SSBP2: variants seen among roughly 807,000 people sequenced by gnomAD.
SSBP2 encodes single-stranded DNA-binding protein 2.
SSBP2 carries 17 observed loss-of-function variants against 61.8 expected under a neutral mutation model. The ratio of observed to expected loss-of-function variants is 0.28; its 90% CI spans 0.19 to 0.41. SSBP2 has a LOEUF of 0.41. Among genes scored for constraint, SSBP2 ranks in the 10% least tolerant of loss-of-function variants. SSBP2 has a pLI of 1.00. For missense variants in SSBP2, 310 were observed against 458.7 expected (o/e 0.68, Z 2.96); for synonymous variants, 139 against 141.3 (o/e 0.98, Z 0.12).
In SSBP2 at chr5:81,535,937, T is replaced by C. The variant is rs143504289; in HGVS notation, c.283-22220A>G. On this transcript the variant is annotated intron_variant, in intron 4 of 16. Coordinates refer to ENST00000320672, the MANE Select transcript of SSBP2 (RefSeq NM_012446.5). ...AAAAACTTCTGCTCTGTAAAATACA[T>C]TGTCAAGAGAGTGAGAAGACAAGCC... Among the ~76,000 whole-genome samples, 113 of 152,202 alleles carry C rather than the reference T, an allele frequency of 7.4e-4. 1 individual carries two copies. The East Asian group carries it at 0.016, about 22-fold the overall frequency.
At chr5:81,558,019 A>G (rs1436942969) in intron 4 of SSBP2, among the ~76,000 whole-genome samples, 1 of 152,182 alleles carries the variant, frequency 6.6e-6, no homozygotes, top group Non-Finnish European at 1.5e-5. Flanking sequence ...CTTGCTTTTA[A>G]GATTTCTTAG....
intron 1 of SSBP2, among the ~76,000 whole-genome samples, chr5:81,693,813 C>T (rs1230429623): frequency 6.6e-6 from 1 of 152,190 alleles, no homozygotes; most frequent in Admixed American, 6.5e-5. Context: ...TATGATCCAG[C>T]AATCCCATTG....
chr5:81,734,970 C>CAAAAAAA (rs11350574), intron 1 of SSBP2, among the ~76,000 whole-genome samples: 12 of 70,510 alleles, frequency 1.7e-4, no homozygotes, highest in Non-Finnish European at 2.1e-4. Context: ...GACTCCATCT[C>CAAAAAAA]AAAAAAAAAA....
intron 4 of SSBP2, among the ~76,000 whole-genome samples, chr5:81,543,075 G>A (rs759697031): frequency 2.6e-5 from 4 of 152,020 alleles, no homozygotes; most frequent in Non-Finnish European, 5.9e-5. Context: ...GGGTGGTCTC[G>A]AACTCCTGAC....
chr5:81,518,562 T>C (rs1488508744), intron 4 of SSBP2, among the ~76,000 whole-genome samples: 1 of 152,138 alleles, frequency 6.6e-6, no homozygotes, highest in African/African-American at 2.4e-5. Flanking sequence ...AGAACTATAA[T>C]AAATAAATTT....
rs7720383 is a variant in SSBP2, at chr5:81,558,981, C to T, written c.283-45264G>A. ...TTTTAAAAATTATTTATAGGCCGGG[C>T]GCAGTGGCTCACGCCTGTAATCCTA... On this transcript the variant is annotated intron_variant, in intron 4 of 16. Transcript: ENST00000320672. Among the ~76,000 whole-genome samples the T allele has an allele frequency of 7.7e-3, 1,170 of 152,272 alleles. 20 individuals carry two copies. Among genetic ancestry groups the T allele is most frequent in the African/African-American group, 0.027 (1,116 of 41,552 alleles).
At chr5:81,720,495 A>G (rs909909179) in intron 1 of SSBP2, among the ~76,000 whole-genome samples, 2 of 152,228 alleles carry the variant, frequency 1.3e-5, no homozygotes, top group African/African-American at 4.8e-5. Flanking sequence ...AACAGCATAT[A>G]GGCTAAGCTT....
At chr5:81,669,300 C>T (rs1751402144) in intron 1 of SSBP2, among the ~76,000 whole-genome samples, 1 of 152,138 alleles carries the variant, frequency 6.6e-6, no homozygotes, top group Non-Finnish European at 1.5e-5. Context: ...TAAACATACT[C>T]TTATCAGGAA....
At chr5:81,480,841 T>C (rs1765931816) in intron 6 of SSBP2, among the ~76,000 whole-genome samples, 2 of 152,244 alleles carry the variant, frequency 1.3e-5, no homozygotes, top group Non-Finnish European at 2.9e-5. Flanking sequence ...GAGGCAATGC[T>C]CTCAAACCTT....
intron 1 of SSBP2, among the ~76,000 whole-genome samples, chr5:81,737,727 G>C (rs1196482607): frequency 6.7e-6 from 1 of 148,734 alleles, no homozygotes; most frequent in African/African-American, 2.5e-5. Context: ...GACAGACCTT[G>C]CAGTGAGCCG....
chr5:81,491,768 G>A, intron 5 of SSBP2, among the ~76,000 whole-genome samples: 1 of 151,852 alleles, frequency 6.6e-6, no homozygotes, highest in East Asian at 1.9e-4. Context: ...CACAATTAAA[G>A]CACAAAAAGA....
intron 5 of SSBP2, among the ~76,000 whole-genome samples, chr5:81,503,298 C>A (rs1767934296): frequency 1.3e-5 from 2 of 151,854 alleles, no homozygotes; most frequent in Non-Finnish European, 2.9e-5. Context: ...ACTAAAAATA[C>A]AAAAAATTAG....
At chr5:81,685,334 GATAT>G (rs1663707108) in intron 1 of SSBP2, among the ~76,000 whole-genome samples, 2 of 152,060 alleles carry the variant, frequency 1.3e-5, no homozygotes, top group African/African-American at 4.8e-5. Context: ...AAACTGATAG[GATAT>G]ATAAGAATGA....
chr5:81,553,812 G>A (rs1219916082), intron 4 of SSBP2, among the ~76,000 whole-genome samples: 1 of 151,992 alleles, frequency 6.6e-6, no homozygotes, highest in East Asian at 1.9e-4. Flanking sequence ...TAACTTTCTT[G>A]TTTTCCTTTT....
At chr5:81,566,980 G>C (rs1449307135) in intron 4 of SSBP2, among the ~76,000 whole-genome samples, 2 of 152,190 alleles carry the variant, frequency 1.3e-5, no homozygotes, top group Admixed American at 6.5e-5. Context: ...TTCAAGAGGT[G>C]ACTTGGGTGC....
At chr5:81,584,124 T>A (rs1774890143) in intron 4 of SSBP2, among the ~76,000 whole-genome samples, 1 of 152,200 alleles carries the variant, frequency 6.6e-6, no homozygotes, top group Non-Finnish European at 1.5e-5. Context: ...GTTATAGAGC[T>A]ATTCATTAAT....
chr5:81,693,900 T>G (rs1234687144), intron 1 of SSBP2, among the ~76,000 whole-genome samples: 1 of 152,042 alleles, frequency 6.6e-6, no homozygotes, highest in Non-Finnish European at 1.5e-5. Context: ...GCAGCACCAC[T>G]CACAATAGCC....
chr5:81,627,659 T>C (rs1316182615), intron 3 of SSBP2, among the ~76,000 whole-genome samples: 1 of 152,232 alleles, frequency 6.6e-6, no homozygotes, highest in African/African-American at 2.4e-5. Flanking sequence ...AATAATCTTA[T>C]ATTTTATTTT....
At chr5:81,452,014 T>C (rs780832245) in intron 10 of SSBP2, among the ~76,000 whole-genome samples, 5 of 152,134 alleles carry the variant, frequency 3.3e-5, no homozygotes, top group Non-Finnish European at 7.4e-5. Flanking sequence ...AGAAGATACA[T>C]TTGAGCTGGA....
Sources: allele counts gnomAD v4.1 joint callset (sites outside exome capture counted in the v4.1 genomes callset), GRCh38; gene constraint gnomAD v4.1.1; transcripts MANE v1.5; gene names NCBI Gene and HGNC (gene_info 2026-07-23, HGNC 2026-07-21).